Variants in PKD2L2 observed in about 807,000 individuals in gnomAD.
PKD2L2 encodes polycystin 2 like 2, transient receptor potential cation channel, also known as polycystin-2-like protein 2.
A neutral mutation model predicts 83.9 loss-of-function variants in PKD2L2; 67 were observed. That is an observed-to-expected ratio of 0.80 (90% CI 0.66 to 0.98). The LOEUF (loss-of-function observed/expected upper bound fraction) is 0.98, where lower values mean the gene tolerates loss of function less well. Among genes scored for constraint, PKD2L2 ranks in the 50% least tolerant of loss-of-function variants. The pLI, the probability that PKD2L2 is intolerant of heterozygous loss-of-function variation, is 0.00. For synonymous variants in PKD2L2, 223 were observed against 237.8 expected (o/e 0.94, Z 0.57); for missense variants, 632 against 717.2 (o/e 0.88, Z 1.36).
intron 14 of PKD2L2, chr5:137,939,977 A>C (rs1761153434): frequency 1.9e-6 from 3 of 1,541,886 alleles, no homozygotes; most frequent in Non-Finnish European, 2.6e-6. Context: ...CAAAACAATG[A>C]AGTAAACCAT....
At position 137,905,754 on chromosome 5, in the gene PKD2L2, A is replaced by C. The variant is rs139419338; in HGVS notation, c.747-452A>C. ...TTTAGAAGCAAGAAGCATTTCTGAT[A>C]ATCTAAAGAGGGAGAATGTATGTCC... On this transcript the variant is annotated intron_variant, in intron 5 of 14. Transcript: ENST00000508883. Among the ~76,000 whole-genome samples, 197 of 152,310 alleles carry C rather than the reference A, an allele frequency of 1.3e-3. 4 individuals carry two copies. Among genetic ancestry groups the C allele is most frequent in the Middle Eastern group, 0.01 (3 of 294 alleles).
In PKD2L2 at chr5:137,906,240, C is replaced by A. The variant is rs770189051; in HGVS notation, c.781C>A (p.Leu261Ile). 1.9e-6 allele frequency: 3 copies of A among 1,611,040 alleles called. No homozygotes were observed. The highest frequency in any genetic ancestry group is 1.1e-5 in the South Asian group (1 of 90,400). The change falls in exon 6 of 15, where the codon CTT becomes ATT. Residue 261 changes from leucine (L) to isoleucine (I), a missense_variant. Around this residue, in one of 3 missense-constraint regions of PKD2L2, gnomAD observed 399 missense variants for 416.9 expected, o/e 0.96. Transcript: ENST00000508883. ...VAEFPATGGI[L>I]TSWQFYSVKL... ...AGAATTCCCTGCAACTGGAGGAATA[C>A]TTACTTCATGGCAGTTTTACTCTGT...
intron 9 of PKD2L2, among the ~76,000 whole-genome samples, chr5:137,922,592 G>A (rs1245530968): frequency 1.3e-5 from 2 of 151,942 alleles, no homozygotes; most frequent in African/African-American, 4.8e-5. Flanking sequence ...ACAAAAATTA[G>A]CTAGGCGTGG....
intron 12 of PKD2L2, among the ~76,000 whole-genome samples, chr5:137,926,674 C>T (rs955362568): frequency 3.3e-5 from 5 of 152,194 alleles, no homozygotes; most frequent in Non-Finnish European, 7.3e-5. Flanking sequence ...AAATAGCATT[C>T]TCCTCTAAAA....
intron 8 of PKD2L2, among the ~76,000 whole-genome samples, chr5:137,919,655 T>C (rs1285442549): frequency 6.6e-6 from 1 of 152,184 alleles, no homozygotes; most frequent in Non-Finnish European, 1.5e-5. Context: ...ATTTTCTCTA[T>C]CTTATGTAGG....
intron 4 of PKD2L2, among the ~76,000 whole-genome samples, chr5:137,895,723 C>T (rs557938393): frequency 6.6e-6 from 1 of 151,310 alleles, no homozygotes; most frequent in East Asian, 1.9e-4. Context: ...ACTAAAAATA[C>T]AAAAATTAGT....
chr5:137,898,347 GT>G (rs1756659015), intron 4 of PKD2L2, among the ~76,000 whole-genome samples: 1 of 152,078 alleles, frequency 6.6e-6, no homozygotes, highest in Admixed American at 6.6e-5. Context: ...TTGTAACAAA[GT>G]TTTTATTGAG....
At chr5:137,904,714 G>A (rs769813631) in intron 5 of PKD2L2, among the ~76,000 whole-genome samples, 5 of 152,076 alleles carry the variant, frequency 3.3e-5, no homozygotes, top group East Asian at 1.9e-4. Flanking sequence ...CCCTCAAGTC[G>A]CAAGTTTACC....
At position 137,942,715 on chromosome 5, in the gene PKD2L2, T is replaced by C; in HGVS notation, c.*349T>C. The C allele has an allele frequency of 6.7e-6, 4 of 598,876 alleles. No individual in the cohort carries two copies. The highest frequency in any genetic ancestry group is 1.1e-5 in the Non-Finnish European group (4 of 366,666). The allele number at this position is 598,876 out of a possible 1,614,324, so 37.1% of individuals were successfully genotyped here. The stretch of plus-strand genomic sequence containing the variant: ...GTAATGTTTTATTTAAAAATGGGAA[T>C]GACAATAAATATTTGCAAATCACAC... On this transcript the variant is annotated 3_prime_UTR_variant, in exon 15 of 15. Coordinates refer to ENST00000508883, the MANE Select transcript of PKD2L2 (RefSeq NM_001300921.2).
intron 10 of PKD2L2, 23 bp from the exon 11 acceptor site, chr5:137,925,017 A>C (rs1462438842): frequency 1.4e-6 from 2 of 1,398,204 alleles, no homozygotes; most frequent in Admixed American, 1.7e-5. Flanking sequence ...ATGCATTTTC[A>C]AACTATTTTA....
intron 2 of PKD2L2, among the ~76,000 whole-genome samples, chr5:137,891,133 C>T (rs1755938920): frequency 6.6e-6 from 1 of 152,102 alleles, no homozygotes; most frequent in Non-Finnish European, 1.5e-5. Context: ...GCTTAATATG[C>T]AAAGAGGAGT....
intron 8 of PKD2L2, among the ~76,000 whole-genome samples, chr5:137,917,990 A>G (rs910122583): frequency 1.3e-5 from 2 of 152,176 alleles, no homozygotes; most frequent in Non-Finnish European, 2.9e-5. Flanking sequence ...GGCCAAGGCA[A>G]GTGGATCACT....
chr5:137,907,690 A>T, intron 6 of PKD2L2, 52 bp from the exon 7 acceptor site: 1 of 1,091,556 alleles, frequency 9.2e-7, no homozygotes, highest in Non-Finnish European at 1.3e-6. Context: ...GCTGTAAGAT[A>T]TTTAGAGGTA....
rs187385180 is a variant in PKD2L2 at position 137,907,888 on chromosome 5, T to C, written c.1122T>C (p.Ile374=). The C allele has an allele frequency of 1.0e-4, 144 of 1,434,182 alleles. No individual in the cohort carries two copies. In the African/African-American group the frequency reaches 1.3e-3, roughly 13 times the overall value. The allele number at this position is 1,434,182 out of a possible 1,614,324, so 88.8% of individuals were successfully genotyped here. Residue 374 remains isoleucine, a synonymous_variant, in exon 7 of 15, where the codon ATT becomes ATC. Coordinates refer to ENST00000508883, the MANE Select transcript of PKD2L2 (RefSeq NM_001300921.2). The part of the protein sequence containing the change: ...WHIYYNNIIA[I]TIFFAWIKIF... ...TTTATTACAATAATATAATTGCTAT[T>C]ACCATCTTTTTTGCATGGATAAAGG...
chr5:137,941,309 A>C (rs1288017278), intron 14 of PKD2L2, among the ~76,000 whole-genome samples: 3 of 152,192 alleles, frequency 2.0e-5, no homozygotes, highest in Non-Finnish European at 4.4e-5. Flanking sequence ...AATATTAGCT[A>C]TCAGCTTGGT....
chr5:137,899,552 G>T lies in PKD2L2; in HGVS notation c.561G>T (p.Trp187Cys), dbSNP rs772405747. The T allele has an allele frequency of 6.2e-7, 1 of 1,612,666 alleles. No homozygotes were observed. The highest frequency in any genetic ancestry group is 8.5e-7 in the Non-Finnish European group (1 of 1,178,732). ...RYSTSNTNSPWHWGFLGVYRN... is the reference protein window; with the variant it reads ...RYSTSNTNSPCHWGFLGVYRN... Reference sequence around the variant, plus strand: ...CTACTTCTAATACCAACTCCCCTTGGCACTGGGGATTTCTTGGTGTTTACC... The same window carrying T: ...CTACTTCTAATACCAACTCCCCTTGTCACTGGGGATTTCTTGGTGTTTACC... Residue 187 changes from tryptophan to cysteine, a missense_variant, in exon 5 of 15, where the codon TGG becomes TGT. Coordinates refer to ENST00000508883, the MANE Select transcript of PKD2L2 (RefSeq NM_001300921.2).
chr5:137,926,984 A>G (rs1288746864), intron 12 of PKD2L2, among the ~76,000 whole-genome samples: 2 of 152,200 alleles, frequency 1.3e-5, no homozygotes, highest in Non-Finnish European at 2.9e-5. Context: ...TTATTGAGAC[A>G]TAAAGTAAAA....
chr5:137,902,411 A>G (rs1757037601), intron 5 of PKD2L2, among the ~76,000 whole-genome samples: 1 of 152,082 alleles, frequency 6.6e-6, no homozygotes. Flanking sequence ...CCCCTGAGAC[A>G]GCAAGACCCT....
At chr5:137,940,413 T>C (rs930219348) in intron 14 of PKD2L2, 2 of 1,156,696 alleles carry the variant, frequency 1.7e-6, no homozygotes, top group Non-Finnish European at 2.5e-6. Context: ...CCAAAAGTTG[T>C]CTTAATATGA....
Sources: gnomAD v4.1 joint callset for allele counts (sites outside exome capture counted in the v4.1 genomes callset) on GRCh38, gnomAD v4.1.1 for gene constraint, gnomAD v4.1.1 regional missense constraint, MANE v1.5 for transcripts, NCBI Gene and HGNC (gene_info 2026-07-23, HGNC 2026-07-21) for gene names.